The following CNTN1 variants were observed in gnomAD, a reference collection of about 807,000 sequenced individuals.
CNTN1 encodes the protein contactin 1.
A neutral mutation model predicts 126.4 loss-of-function variants in CNTN1; 38 were observed. That is an observed-to-expected ratio of 0.30 (90% CI 0.23 to 0.39). The LOEUF (loss-of-function observed/expected upper bound fraction) is 0.39. Among genes scored for constraint, CNTN1 ranks in the 10% least tolerant of loss-of-function variants. The pLI is 1.00. For synonymous variants in CNTN1, 413 were observed against 422.6 expected, an observed-to-expected ratio of 0.98 and a Z score of 0.28; for missense variants, 1,009 against 1,248.4, an observed-to-expected ratio of 0.81 and a Z score of 2.89.
chr12:41,064,384 C>T (rs1950005907), intron 23 of CNTN1, among the ~76,000 whole-genome samples: 1 of 152,190 alleles, frequency 6.6e-6, no homozygotes, highest in African/African-American at 2.4e-5. Context: ...TACAGAAAAA[C>T]TCAGTATGCC....
intron 1 of CNTN1, among the ~76,000 whole-genome samples, chr12:40,779,314 C>T (rs12424430): frequency 0.051 from 7,762 of 151,764 alleles, 256 homozygotes; most frequent in East Asian, 0.07. Flanking sequence ...GTTTTGTGTG[C>T]TACTTCTCAT....
chr12:40,740,031 T>G (rs1033570683), intron 1 of CNTN1, among the ~76,000 whole-genome samples: 2 of 152,052 alleles, frequency 1.3e-5, no homozygotes, highest in Non-Finnish European at 2.9e-5. Flanking sequence ...AAATTCAACA[T>G]AAATTCTTAT....
intron 16 of CNTN1, among the ~76,000 whole-genome samples, chr12:40,989,879 T>G (rs1033856331): frequency 2.0e-5 from 3 of 151,468 alleles, no homozygotes; most frequent in Non-Finnish European, 2.9e-5. Flanking sequence ...AGTCTTGGAG[T>G]TCCATTTGTA....
chr12:40,856,575 T>C (rs1189982026), intron 1 of CNTN1, among the ~76,000 whole-genome samples: 1 of 152,134 alleles, frequency 6.6e-6, no homozygotes, highest in Non-Finnish European at 1.5e-5. Flanking sequence ...TTGAGGGCTT[T>C]GCGTGCTAAT....
chr12:40,849,722 A>C (rs1037597949), intron 1 of CNTN1, among the ~76,000 whole-genome samples: 3 of 152,084 alleles, frequency 2.0e-5, no homozygotes, highest in Non-Finnish European at 4.4e-5. Flanking sequence ...TAATATATTA[A>C]ACAAATAATA....
intron 3 of CNTN1, among the ~76,000 whole-genome samples, chr12:40,913,438 T>C (rs1307660290): frequency 1.3e-5 from 2 of 152,300 alleles, no homozygotes; most frequent in East Asian, 3.9e-4. Context: ...ACTGTAAATG[T>C]AAAAATTTCC....
chr12:40,699,893 G>A (rs1263669805), intron 1 of CNTN1, among the ~76,000 whole-genome samples: 2 of 152,130 alleles, frequency 1.3e-5, no homozygotes, highest in African/African-American at 4.8e-5. Context: ...TTCACTGAGA[G>A]ATGACTGCCA....
intron 1 of CNTN1, among the ~76,000 whole-genome samples, chr12:40,831,975 A>G (rs192595603): frequency 3.3e-5 from 5 of 152,332 alleles, no homozygotes; most frequent in African/African-American, 1.2e-4. Flanking sequence ...AAGAATATGT[A>G]TAAAAGTATG....
chr12:40,727,054 T>G (rs1942373842), intron 1 of CNTN1, among the ~76,000 whole-genome samples: 1 of 149,814 alleles, frequency 6.7e-6, no homozygotes, highest in Non-Finnish European at 1.5e-5. Context: ...TACTTCCTCA[T>G]GTTCTTTTTT....
intron 15 of CNTN1, among the ~76,000 whole-genome samples, chr12:40,970,638 T>G (rs1947476174): frequency 6.6e-6 from 1 of 152,162 alleles, no homozygotes; most frequent in South Asian, 2.1e-4. Flanking sequence ...ATTGCTGTAT[T>G]AATATACACA....
At chr12:40,734,127 A>C (rs2121275687) in intron 1 of CNTN1, among the ~76,000 whole-genome samples, 1 of 152,196 alleles carries the variant, frequency 6.6e-6, no homozygotes, top group South Asian at 2.1e-4. Context: ...CAGCTTTCCA[A>C]GCTAATCATC....
chr12:40,775,695 C>T (rs997353417), intron 1 of CNTN1, among the ~76,000 whole-genome samples: 17 of 151,650 alleles, frequency 1.1e-4, no homozygotes, highest in African/African-American at 3.9e-4. Flanking sequence ...TAAAGAAAGA[C>T]AGTAGAAAGA....
At chr12:41,063,141 T>A (rs1949974577) in intron 23 of CNTN1, among the ~76,000 whole-genome samples, 1 of 152,242 alleles carries the variant, frequency 6.6e-6, no homozygotes, top group Non-Finnish European at 1.5e-5. Flanking sequence ...TGCGTCCCAG[T>A]GGTTACTCAT....
At chr12:40,943,042 T>G (rs966015225) in intron 12 of CNTN1, among the ~76,000 whole-genome samples, 5 of 151,956 alleles carry the variant, frequency 3.3e-5, no homozygotes, top group Non-Finnish European at 7.4e-5. Context: ...ACTTAGTGAG[T>G]TTTTAGTGTC....
At chr12:40,785,934 C>A (rs1029336708) in intron 1 of CNTN1, among the ~76,000 whole-genome samples, 2 of 152,060 alleles carry the variant, frequency 1.3e-5, no homozygotes, top group African/African-American at 4.8e-5. Context: ...CTTGACCTGG[C>A]CTCACCTACA....
At chr12:40,697,124 A>G (rs1941469961) in intron 1 of CNTN1, among the ~76,000 whole-genome samples, 2 of 152,170 alleles carry the variant, frequency 1.3e-5, no homozygotes, top group Admixed American at 6.5e-5. Context: ...CCATTTCCTT[A>G]TGACACCTTA....
chr12:40,896,058 G>C (rs1944403131), intron 1 of CNTN1: 1 of 152,112 alleles, frequency 6.6e-6, no homozygotes, highest in African/African-American at 2.4e-5. Flanking sequence ...GAGCCACCGT[G>C]CCCGGCCGCT....
chr12:40,772,497 G>C (rs1209394195), intron 1 of CNTN1, among the ~76,000 whole-genome samples: 1 of 151,892 alleles, frequency 6.6e-6, no homozygotes, highest in Admixed American at 6.6e-5. Context: ...ATTAATACTT[G>C]CCACAGCGTT....
At chr12:40,845,015 T>C (rs1942447845) in intron 1 of CNTN1, among the ~76,000 whole-genome samples, 1 of 152,206 alleles carries the variant, frequency 6.6e-6, no homozygotes, top group South Asian at 2.1e-4. Flanking sequence ...TTCTTAGATC[T>C]TAACCACGGA....
Sources: gnomAD v4.1 joint callset for allele counts (sites outside exome capture counted in the v4.1 genomes callset) on GRCh38, gnomAD v4.1.1 for gene constraint, MANE v1.5 for transcripts, NCBI Gene and HGNC (gene_info 2026-07-23, HGNC 2026-07-21) for gene names.